Variants in NTM observed in about 807,000 individuals in gnomAD.
NTM encodes the protein IgLON family member 2.
Under a neutral mutation model 42.1 loss-of-function variants are expected in NTM, and 13 were observed. The observed-to-expected ratio is 0.31, with a 90% CI of 0.20 to 0.49. NTM has a LOEUF of 0.49. Among genes scored for constraint, NTM ranks in the 20% least tolerant of loss-of-function variants. The probability of loss-of-function intolerance (pLI) is 0.99; values close to 1 mark genes in which losing one functional copy is unlikely to be tolerated. For missense variants in NTM, 373 were observed against 452.8 expected, an observed-to-expected ratio of 0.82 and a Z score of 1.60; for synonymous variants, 187 against 179.2, an observed-to-expected ratio of 1.04 and a Z score of -0.35.
chr11:131,437,424 T>C (rs1049713193), intron 1 of NTM, among the ~76,000 whole-genome samples: 21 of 152,214 alleles, frequency 1.4e-4, no homozygotes, highest in African/African-American at 5.1e-4. Context: ...AGTCTAAGTC[T>C]CTTAGTAGGT....
chr11:132,079,316 G>A (rs894206837), intron 2 of NTM, among the ~76,000 whole-genome samples: 1 of 152,198 alleles, frequency 6.6e-6, no homozygotes, highest in African/African-American at 2.4e-5. Context: ...TAGATGTGGA[G>A]TTAGTAAAAC....
intron 7 of NTM, among the ~76,000 whole-genome samples, chr11:132,317,017 A>C (rs1425867452): frequency 2.0e-5 from 3 of 152,184 alleles, no homozygotes; most frequent in African/African-American, 7.2e-5. Flanking sequence ...CTTGTGCATA[A>C]ACTGCACGCT....
intron 1 of NTM, among the ~76,000 whole-genome samples, chr11:131,567,064 G>T (rs1431066019): frequency 1.3e-5 from 2 of 152,088 alleles, no homozygotes; most frequent in Middle Eastern, 3.2e-3. Context: ...TTGGGTGTAA[G>T]CTGGGGAGAT....
At chr11:132,141,616 C>T (rs992480065) in intron 2 of NTM, among the ~76,000 whole-genome samples, 2 of 152,094 alleles carry the variant, frequency 1.3e-5, no homozygotes, top group Admixed American at 6.5e-5. Context: ...CCAAATACAC[C>T]CTGAATATTG....
intron 4 of NTM, among the ~76,000 whole-genome samples, chr11:132,280,396 C>G (rs563681801): frequency 6.7e-6 from 1 of 149,638 alleles, no homozygotes; most frequent in Non-Finnish European, 1.5e-5. Context: ...CTTTAGTTTT[C>G]GGGTGAACTT....
At chr11:132,066,807 G>C (rs543993473) in intron 2 of NTM, among the ~76,000 whole-genome samples, 1 of 152,162 alleles carries the variant, frequency 6.6e-6, no homozygotes, top group African/African-American at 2.4e-5. Context: ...GACCCACTCA[G>C]ATACTCCAGA....
intron 1 of NTM, among the ~76,000 whole-genome samples, chr11:131,611,930 C>T (rs1592222936): frequency 6.6e-6 from 1 of 152,302 alleles, no homozygotes; most frequent in East Asian, 1.9e-4. Flanking sequence ...TCAAGGATGA[C>T]TTCAGGGACC....
chr11:131,727,014 C>T (rs1368394648), intron 1 of NTM, among the ~76,000 whole-genome samples: 1 of 151,380 alleles, frequency 6.6e-6, no homozygotes, highest in Non-Finnish European at 1.5e-5. Flanking sequence ...GAAGCTGATT[C>T]CCCTGTCAAC....
chr11:132,114,195 A>G (rs924409432), intron 2 of NTM, among the ~76,000 whole-genome samples: 4 of 152,232 alleles, frequency 2.6e-5, no homozygotes, highest in African/African-American at 9.6e-5. Flanking sequence ...TGCTTTTGAC[A>G]TGACATCTAA....
At chr11:131,775,432 G>T (rs1264413054) in intron 1 of NTM, among the ~76,000 whole-genome samples, 1 of 152,160 alleles carries the variant, frequency 6.6e-6, no homozygotes, top group African/African-American at 2.4e-5. Flanking sequence ...GCCAGGCAAA[G>T]ATGAGATGAC....
chr11:132,014,360 A>G lies in NTM; in HGVS notation c.167+102712A>G, dbSNP rs148719552. 6.3e-4 allele frequency among the ~76,000 whole-genome samples: 96 copies of G among 152,178 alleles called. No individual in the cohort carries two copies. The East Asian group carries it at 0.012, about 19-fold the overall frequency. The stretch of plus-strand genomic sequence containing the variant: ...ACAGTGCTGCGGTAAATGCGGGTGC[A>G]CAGCTATCCCTTTGATAAACTGGCT... On this transcript the variant is annotated intron_variant, in intron 2 of 8. Coordinates refer to ENST00000683400, the MANE Select transcript of NTM (RefSeq NM_001352005.2).
chr11:131,486,813 G>A (rs986703267), intron 1 of NTM, among the ~76,000 whole-genome samples: 1 of 151,906 alleles, frequency 6.6e-6, no homozygotes, highest in South Asian at 2.1e-4. Flanking sequence ...ATTTAGTCTT[G>A]CTCAAAATTG....
At chr11:132,207,497 A>G (rs1249432130) in intron 3 of NTM, among the ~76,000 whole-genome samples, 2 of 152,212 alleles carry the variant, frequency 1.3e-5, no homozygotes, top group African/African-American at 2.4e-5. Flanking sequence ...TTACAACATT[A>G]CAATGTAATA....
intron 4 of NTM, among the ~76,000 whole-genome samples, chr11:132,247,667 G>A (rs141906216): frequency 2.7e-3 from 415 of 152,268 alleles, no homozygotes; most frequent in Non-Finnish European, 4.4e-3. Flanking sequence ...GGTGGGCCAT[G>A]GAGGGATCCT....
At chr11:132,115,634 C>T (rs574472448) in intron 2 of NTM, among the ~76,000 whole-genome samples, 7 of 152,262 alleles carry the variant, frequency 4.6e-5, no homozygotes, top group Admixed American at 1.3e-4. Context: ...CTCTGTTCTA[C>T]GCACAGTAGC....
chr11:131,788,745 G>C (rs528386786), intron 1 of NTM, among the ~76,000 whole-genome samples: 14 of 152,204 alleles, frequency 9.2e-5, no homozygotes, highest in South Asian at 4.2e-4. Flanking sequence ...TTTTTAGGGT[G>C]CTTCTCCCAC....
intron 1 of NTM, among the ~76,000 whole-genome samples, chr11:131,580,990 G>A (rs1218860336): frequency 1.3e-5 from 2 of 152,178 alleles, no homozygotes; most frequent in Non-Finnish European, 2.9e-5. Context: ...AGAGCTTGGA[G>A]GCAGGAAGCA....
In NTM at chr11:131,486,031, G is replaced by A. The variant is rs189689834; in HGVS notation, c.82+115143G>A. ...CAGAGTTGTCGTGAGGTTCAATTTA[G>A]ATAACACAATTTAAATACCAAGCAG... On this transcript the variant is annotated intron_variant, in intron 1 of 8. Coordinates refer to ENST00000683400, the MANE Select transcript of NTM (RefSeq NM_001352005.2). Among the ~76,000 whole-genome samples the A allele has an allele frequency of 2.0e-5, 3 of 152,174 alleles. No homozygotes were observed. In the East Asian group the frequency reaches 5.8e-4, roughly 29 times the overall value.
At chr11:132,220,843 G>A (rs1027548830) in intron 4 of NTM, among the ~76,000 whole-genome samples, 1 of 152,188 alleles carries the variant, frequency 6.6e-6, no homozygotes, top group Non-Finnish European at 1.5e-5. Context: ...ACCAGCCATA[G>A]CTCAGTAAGA....
Sources: gnomAD v4.1 joint callset for allele counts (sites outside exome capture counted in the v4.1 genomes callset) on GRCh38, gnomAD v4.1.1 for gene constraint, MANE v1.5 for transcripts, NCBI Gene and HGNC (gene_info 2026-07-23, HGNC 2026-07-21) for gene names.